The following NFATC4 variants were observed in gnomAD, a reference collection of about 807,000 sequenced individuals.
NFATC4 encodes the protein nuclear factor of activated T-cells, cytoplasmic 4.
Under a neutral mutation model 73.4 loss-of-function variants are expected in NFATC4, and 25 were observed. The ratio of observed to expected loss-of-function variants is 0.34; its 90% CI spans 0.25 to 0.48. The LOEUF (loss-of-function observed/expected upper bound fraction) is 0.48, where lower values mean the gene tolerates loss of function less well. Ranked by LOEUF, NFATC4 falls within the 20% of genes least tolerant of loss-of-function variation. The pLI, the probability that NFATC4 is intolerant of heterozygous loss-of-function variation, is 0.99. For missense variants in NFATC4, 1,130 were observed against 1,203.7 expected (o/e 0.94, Z 0.91); for synonymous variants, 523 against 510.3 (o/e 1.02, Z -0.34).
At chr14:24,374,263 G>A in intron 5 of NFATC4, 63 bp from the exon 6 acceptor site, 1 of 1,554,572 alleles carries the variant, frequency 6.4e-7, no homozygotes, top group Non-Finnish European at 8.7e-7. Flanking sequence ...AGAGGGTGGG[G>A]ACAGAGGAGG....
rs781509216 is a variant in NFATC4, at chr14:24,369,521, G to A, written c.123G>A (p.Pro41=). 1.9e-6 allele frequency: 3 copies of A among 1,609,940 alleles called. No individual in the cohort carries two copies. Among genetic ancestry groups the A allele is most frequent in the Non-Finnish European group, 2.5e-6 (3 of 1,177,274 alleles). ...LGEELDSEDA[P]PCCRLALGEP... Reference sequence around the variant, plus strand: ...CAGAACTGGACTCAGAGGATGCCCCGCCATGCTGCCGTCTGGCCTTGGGAG... The same window carrying A: ...CAGAACTGGACTCAGAGGATGCCCCACCATGCTGCCGTCTGGCCTTGGGAG... The change falls in exon 2 of 10, where the codon CCG becomes CCA. Residue 41 remains proline, a synonymous_variant. Transcript: ENST00000250373.
chr14:24,367,286 G>T (rs1309626804), upstream of NFATC4: 2 of 1,573,390 alleles, frequency 1.3e-6, no homozygotes, highest in Non-Finnish European at 1.7e-6. Context: ...CACAGGGTCC[G>T]GAGGTTTCAG....
At position 24,370,180 on chromosome 14, in the gene NFATC4, G is replaced by A. The variant is rs748694230; in HGVS notation, c.782G>A (p.Arg261Gln). The change falls in exon 2 of 10, where the codon CGG becomes CAG. Residue 261 changes from arginine (R) to glutamine (Q), a missense_variant. This residue lies in a region of NFATC4 where 585 missense variants were observed against 574.3 expected (regional missense o/e 1.02). Coordinates refer to ENST00000250373, the MANE Select transcript of NFATC4 (RefSeq NM_004554.5). ...CCTGGGCCCACCCCAGCCTCCCCGC[G>A]GCCTGCCTCTCCATGTGGCAAGCGG... ...SAPGPTPASP[R>Q]PASPCGKRRY... The A allele has an allele frequency of 5.0e-6, 8 of 1,605,652 alleles. No homozygotes were observed. Among genetic ancestry groups the A allele is most frequent in the Admixed American group, 3.3e-5 (2 of 59,978 alleles).
In NFATC4 at chr14:24,368,335, G is replaced by A; in HGVS notation, c.-6G>A. 7.2e-7 allele frequency: 1 copy of A among 1,390,556 alleles called. No homozygotes were observed. The highest frequency in any genetic ancestry group is 9.3e-7 in the Non-Finnish European group (1 of 1,073,572). 86.1% of individuals were successfully genotyped at this position (1,390,556 alleles called of 1,614,324 possible). A position where few individuals can be genotyped will look rare whatever the true frequency, so the allele number is the denominator to read the frequency against. On this transcript the variant is annotated 5_prime_UTR_variant, in exon 1 of 10. Coordinates refer to ENST00000250373, the MANE Select transcript of NFATC4 (RefSeq NM_004554.5). Reference sequence around the variant, plus strand: ...AGGCCGGGACCTGGGGGCTCCTGCCGGATCCATGGGGGCGGCCAGCTGCGA... The same window carrying A: ...AGGCCGGGACCTGGGGGCTCCTGCCAGATCCATGGGGGCGGCCAGCTGCGA...
chr14:24,367,992 G>GTTT (rs553785821), upstream of NFATC4: 147 of 883,964 alleles, frequency 1.7e-4, no homozygotes, highest in East Asian at 1.3e-3. Context: ...TTCCAATTCA[G>GTTT]TTTTTTTTTT....
At position 24,368,230 on chromosome 14, in the gene NFATC4, A is replaced by AG; in HGVS notation, c.-106dup. ...TGGAGGGAGGCGGCAGCGACGGAGG[A>AG]GGGGGCTTCTCAGAGAAAGGGAGGG... is the stretch of plus-strand genomic sequence containing the variant. On this transcript the variant is annotated 5_prime_UTR_variant, in exon 1 of 10. Coordinates refer to ENST00000250373, the MANE Select transcript of NFATC4 (RefSeq NM_004554.5). 7.6e-7 allele frequency: 1 copy of AG among 1,307,262 alleles called. No homozygotes were observed. The highest frequency in any genetic ancestry group is 9.7e-7 in the Non-Finnish European group (1 of 1,026,054). 81.0% of individuals were successfully genotyped at this position (1,307,262 alleles called of 1,614,324 possible).
chr14:24,376,049 C>T lies in NFATC4; in HGVS notation c.2004C>T (p.Val668=). ...GGCCAGTCCAGGTCTACTTTTATGTCTCCAATGGGCGGAGGAAACGCAGTC... is the reference window on the plus strand; with the variant it reads ...GGCCAGTCCAGGTCTACTTTTATGTTTCCAATGGGCGGAGGAAACGCAGTC... The part of the protein sequence containing the change: ...VSRPVQVYFY[V]SNGRRKRSPT... The change falls in exon 8 of 10, where the codon GTC becomes GTT. Residue 668 remains valine (V), a synonymous_variant. Transcript: ENST00000250373. This position sits in a 1 kb window ranked among gnomAD's most constrained non-coding sequence, Gnocchi z 5.0. 14 of 1,614,052 alleles carry T rather than the reference C, an allele frequency of 8.7e-6. No individual in the cohort carries two copies. Among genetic ancestry groups the T allele is most frequent in the Non-Finnish European group, 1.2e-5 (14 of 1,179,980 alleles).
Position 24,376,084 on chromosome 14 carries a change from G to A in NFATC4, c.2039G>A (p.Ser680Asn), listed in dbSNP as rs758112601. The part of the protein sequence containing the change: ...NGRRKRSPTQ[S>N]FRFLPVICKE... ...CGGAGGAAACGCAGTCCTACCCAGA[G>A]TTTCAGGTTTCTGCCTGGTGCGCTC... is the stretch of plus-strand genomic sequence containing the variant. Residue 680 changes from serine to asparagine, a missense_variant, in exon 8 of 10, where the codon AGT (serine) becomes AAT (asparagine). Ser to Asn is a conservative substitution (Grantham distance 46, BLOSUM62 1). Around this residue, in one of 3 missense-constraint regions of NFATC4, gnomAD observed 390 missense variants for 408.1 expected, o/e 0.96. Transcript: ENST00000250373. The surrounding 1 kb of genome is among the most constrained non-coding windows in gnomAD (Gnocchi z 5.0). 14 of 1,613,900 alleles carry A rather than the reference G, an allele frequency of 8.7e-6. No homozygotes were observed. In the Admixed American group the frequency reaches 1.3e-4, roughly 15 times the overall value.
chr14:24,366,974 G>T (rs892018019), upstream of NFATC4: 6 of 1,576,500 alleles, frequency 3.8e-6, no homozygotes, highest in Admixed American at 1.8e-5. Flanking sequence ...GGCGTTGGGG[G>T]TGCGGCCCTG....
Position 24,376,615 on chromosome 14 carries a change from G to C in NFATC4, c.2378G>C (p.Gly793Ala). 1 of 1,613,682 alleles carries C rather than the reference G, an allele frequency of 6.2e-7. No individual in the cohort carries two copies. Among genetic ancestry groups the C allele is most frequent in the Non-Finnish European group, 8.5e-7 (1 of 1,179,874 alleles). The change falls in exon 9 of 10, where the codon GGA (glycine) becomes GCA (alanine). Residue 793 changes from glycine to alanine, a missense_variant. Gly to Ala is a moderately conservative substitution (Grantham distance 60). Around this residue, in one of 3 missense-constraint regions of NFATC4, gnomAD observed 390 missense variants for 408.1 expected, o/e 0.96. Transcript: ENST00000250373. The surrounding 1 kb of genome is among the most constrained non-coding windows in gnomAD (Gnocchi z 5.0). ...CGCCCCTTCCCTAGTGACCCGTATG[G>C]AGGGCGGGGCTCCTCTTTCTCCCTG... ...LPRPFPSDPYGGRGSSFSLGL... is the reference protein window; with the variant it reads ...LPRPFPSDPYAGRGSSFSLGL...
Position 24,370,194 on chromosome 14 carries a change from T to G in NFATC4, c.796T>G (p.Cys266Gly), listed in dbSNP as rs1292797542. The change falls in exon 2 of 10, where the codon TGT (cysteine) becomes GGT (glycine). Residue 266 changes from cysteine to glycine, a missense_variant. Physicochemically the swap from Cys to Gly is radical, Grantham distance 159. Transcript: ENST00000250373. ...TPASPRPASP[C>G]GKRRYSSSGT... ...AGCCTCCCCGCGGCCTGCCTCTCCATGTGGCAAGCGGCGCTATTCCAGCTC... is the reference window on the plus strand; with the variant it reads ...AGCCTCCCCGCGGCCTGCCTCTCCAGGTGGCAAGCGGCGCTATTCCAGCTC... The G allele has an allele frequency of 6.2e-7, 1 of 1,607,966 alleles. No homozygotes were observed.
Position 24,376,108 on chromosome 14 carries a change from T to C in NFATC4, c.2056+7T>C, listed in dbSNP as rs758128084. 6.2e-7 allele frequency: 1 copy of C among 1,613,876 alleles called. No individual in the cohort carries two copies. Among genetic ancestry groups the C allele is most frequent in the Admixed American group, 1.7e-5 (1 of 59,996 alleles). ...AGTTTCAGGTTTCTGCCTGGTGCGC[T>C]CTGGGACAGCCCATGGTGGGGGTAT... On this transcript the variant is annotated splice_region_variant and intron_variant, in intron 8 of 9. Transcript: ENST00000250373. This position sits in a 1 kb window ranked among gnomAD's most constrained non-coding sequence, Gnocchi z 5.0.
Position 24,376,194 on chromosome 14 carries a change from G to A in NFATC4, c.2056+93G>A. The stretch of plus-strand genomic sequence containing the variant: ...GCAGTACTCATCATGAGGGGCCAAG[G>A]GGTGAATGGAACCTGGGAGGAGCAG... On this transcript the variant is annotated intron_variant, in intron 8 of 9. Transcript: ENST00000250373. The surrounding 1 kb of genome is among the most constrained non-coding windows in gnomAD (Gnocchi z 5.0). The A allele has an allele frequency of 1.3e-6, 2 of 1,590,632 alleles. No homozygotes were observed. The highest frequency in any genetic ancestry group is 1.7e-4 in the Middle Eastern group (1 of 5,922).
rs1472801668 is a variant in NFATC4 at position 24,370,373 on chromosome 14, C to A, written c.975C>A (p.Ser325Arg). The part of the protein sequence containing the change: ...FDYVGAPPAE[S>R]IPQKTRRTSS... ...ATGTGGGGGCCCCACCAGCTGAGAG[C>A]ATCCCTCAGAAGACACGGCGGACTT... The change falls in exon 2 of 10, where the codon AGC becomes AGA. Residue 325 changes from serine to arginine, a missense_variant. Physicochemically the swap from Ser to Arg is moderately radical, Grantham distance 110. This residue lies in a region of NFATC4 where 585 missense variants were observed against 574.3 expected (regional missense o/e 1.02). Coordinates refer to ENST00000250373, the MANE Select transcript of NFATC4 (RefSeq NM_004554.5). 1.2e-6 allele frequency: 2 copies of A among 1,613,814 alleles called. No individual in the cohort carries two copies. The highest frequency in any genetic ancestry group is 1.7e-6 in the Non-Finnish European group (2 of 1,180,022).
At chr14:24,370,809 T>C (rs1393788013) in intron 2 of NFATC4, among the ~76,000 whole-genome samples, 3 of 152,236 alleles carry the variant, frequency 2.0e-5, no homozygotes, top group Admixed American at 1.3e-4. Flanking sequence ...CAGTTCCCTG[T>C]GGGACAATTA....
rs1183542320 is a variant in NFATC4, at chr14:24,376,700, G to A, written c.2463G>A (p.Pro821=). 5.0e-6 allele frequency: 8 copies of A among 1,613,472 alleles called. No homozygotes were observed. Among genetic ancestry groups the A allele is most frequent in the African/African-American group, 4.0e-5 (3 of 74,838 alleles). Residue 821 remains proline (P), a synonymous_variant, in exon 9 of 10, where the codon CCG becomes CCA. Coordinates refer to ENST00000250373, the MANE Select transcript of NFATC4 (RefSeq NM_004554.5). This position sits in a 1 kb window ranked among gnomAD's most constrained non-coding sequence, Gnocchi z 5.0. ...CGCCTCCTCTTCCTGCATCCCCACC[G>A]CTTGAAGGCCCCTTCCCTTCCCAGA... is the stretch of plus-strand genomic sequence containing the variant. ...FRPPPLPASP[P]LEGPFPSQSD... is the part of the protein sequence containing the mutation.
chr14:24,366,960 G>C (rs1000471337), upstream of NFATC4: 10 of 1,560,892 alleles, frequency 6.4e-6, no homozygotes, highest in Non-Finnish European at 8.7e-6. Context: ...TGCTGGGATG[G>C]GGCGGCGTTG....
chr14:24,377,827 T>C lies in NFATC4; in HGVS notation c.*122T>C. On this transcript the variant is annotated 3_prime_UTR_variant, in exon 10 of 10. Transcript: ENST00000250373. The surrounding 1 kb of genome is among the most constrained non-coding windows in gnomAD (Gnocchi z 4.2). Reference sequence around the variant, plus strand: ...CAACCCTGGCTCCTCTTTCCCCAGCTTCTGTCTGTCTCACTGTCTTCCCTC... The same window carrying C: ...CAACCCTGGCTCCTCTTTCCCCAGCCTCTGTCTGTCTCACTGTCTTCCCTC... The C allele has an allele frequency of 1.9e-6, 3 of 1,547,804 alleles. No homozygotes were observed. The highest frequency in any genetic ancestry group is 2.6e-6 in the Non-Finnish European group (3 of 1,146,326).
upstream of NFATC4, chr14:24,367,256 G>T (rs551745594): frequency 1.7e-5 from 28 of 1,606,832 alleles, no homozygotes; most frequent in Non-Finnish European, 2.4e-5. Flanking sequence ...GGGCCAAGGA[G>T]GGGGAAGAGG....
Sources: gnomAD v4.1 joint callset for allele counts (sites outside exome capture counted in the v4.1 genomes callset) on GRCh38, gnomAD v4.1.1 for gene constraint, gnomAD v4.1.1 regional missense constraint, Gnocchi (gnomAD v3.1) non-coding constraint, MANE v1.5 for transcripts, NCBI Gene and HGNC (gene_info 2026-07-23, HGNC 2026-07-21) for gene names.